NPAS3: variants seen among roughly 807,000 people sequenced by gnomAD.
NPAS3 encodes the protein neuronal PAS domain protein 3, also known as neuronal PAS domain-containing protein 3.
In NPAS3, 14 loss-of-function variants were observed where a neutral mutation model predicts 73.1. That is an observed-to-expected ratio of 0.19 (90% CI 0.13 to 0.30). NPAS3 has a LOEUF of 0.30. Among genes scored for constraint, NPAS3 ranks in the 10% least tolerant of loss-of-function variants. The probability of loss-of-function intolerance (pLI) is 1.00; values close to 1 mark genes in which losing one functional copy is unlikely to be tolerated. For synonymous variants in NPAS3, 620 were observed against 541.5 expected (o/e 1.14, Z -2.01); for missense variants, 1,096 against 1,250.0 (o/e 0.88, Z 1.86).
intron 4 of NPAS3, among the ~76,000 whole-genome samples, chr14:33,548,138 G>A (rs1013738286): frequency 6.6e-6 from 1 of 152,134 alleles, no homozygotes; most frequent in Non-Finnish European, 1.5e-5. Context: ...CTTTGACATC[G>A]AACATTGAGA....
chr14:33,774,460 G>T (rs758592814), exon 8 of NPAS3: 1 of 1,614,186 alleles, frequency 6.2e-7, no homozygotes, highest in South Asian at 1.1e-5. Context: ...GATCAATGAA[G>T]TCAGAATTGA....
intron 2 of NPAS3, among the ~76,000 whole-genome samples, chr14:33,198,149 A>G (rs1010192358): frequency 1.3e-5 from 2 of 152,178 alleles, no homozygotes; most frequent in African/African-American, 2.4e-5. Flanking sequence ...AGACCTTCGC[A>G]GTGTTACAGC....
chr14:33,502,499 C>T (rs903159944), intron 4 of NPAS3, among the ~76,000 whole-genome samples: 2 of 151,932 alleles, frequency 1.3e-5, no homozygotes, highest in African/African-American at 2.4e-5. Context: ...TTAGTTGTAT[C>T]TTTGACTTCG....
chr14:33,038,153 C>T (rs184010124), intron 1 of NPAS3, among the ~76,000 whole-genome samples: 19 of 152,266 alleles, frequency 1.2e-4, no homozygotes, highest in Admixed American at 9.8e-4. Context: ...CATTTTTCCC[C>T]CTAGGGATGA....
chr14:33,268,846 C>T (rs243304), intron 3 of NPAS3, among the ~76,000 whole-genome samples: 16 of 152,212 alleles, frequency 1.1e-4, no homozygotes, highest in African/African-American at 2.6e-4. Flanking sequence ...TTTCTCTGTG[C>T]GTTTACCCTC....
intron 1 of NPAS3, among the ~76,000 whole-genome samples, chr14:32,961,216 A>G (rs2036900535): frequency 1.3e-5 from 2 of 151,984 alleles, no homozygotes; most frequent in African/African-American, 4.8e-5. Flanking sequence ...GGTCGAGACC[A>G]TCCTGGCCAA....
chr14:33,013,595 A>G (rs1836217073), intron 1 of NPAS3, among the ~76,000 whole-genome samples: 1 of 152,276 alleles, frequency 6.6e-6, no homozygotes, highest in South Asian at 2.1e-4. Flanking sequence ...CTTTTTATAC[A>G]TCTATACATT....
chr14:33,330,479 C>T (rs1438176585), intron 3 of NPAS3, among the ~76,000 whole-genome samples: 4 of 151,970 alleles, frequency 2.6e-5, no homozygotes, highest in Non-Finnish European at 5.9e-5. Context: ...ATGCCAGGCA[C>T]ATAATAAACA....
chr14:33,569,603 G>A (rs1358137119), intron 5 of NPAS3, among the ~76,000 whole-genome samples: 1 of 151,656 alleles, frequency 6.6e-6, no homozygotes, highest in African/African-American at 2.4e-5. Flanking sequence ...GTTTAGCACT[G>A]CTTTGCCATG....
At chr14:33,582,661 C>T (rs932210919) in intron 5 of NPAS3, among the ~76,000 whole-genome samples, 1 of 152,106 alleles carries the variant, frequency 6.6e-6, no homozygotes, top group Non-Finnish European at 1.5e-5. Flanking sequence ...TGCCTAGTAC[C>T]TTTCAAATGT....
At chr14:33,180,664 T>G (rs2045758496) in intron 2 of NPAS3, among the ~76,000 whole-genome samples, 1 of 151,212 alleles carries the variant, frequency 6.6e-6, no homozygotes. Flanking sequence ...CTGGGCGTGG[T>G]GGTGGGCGCC....
intron 1 of NPAS3, among the ~76,000 whole-genome samples, chr14:33,008,264 T>C (rs1243105868): frequency 6.6e-6 from 1 of 152,208 alleles, no homozygotes; most frequent in Non-Finnish European, 1.5e-5. Flanking sequence ...ATTATTTTAC[T>C]GACAAGGAAA....
At chr14:33,493,148 GA>G (rs1169900139) in intron 4 of NPAS3, among the ~76,000 whole-genome samples, 1 of 152,102 alleles carries the variant, frequency 6.6e-6, no homozygotes, top group Non-Finnish European at 1.5e-5. Flanking sequence ...ATACTTCCCA[GA>G]AAACTTCTCA....
intron 2 of NPAS3, among the ~76,000 whole-genome samples, chr14:33,099,240 T>C (rs1393769251): frequency 6.6e-6 from 1 of 152,216 alleles, no homozygotes; most frequent in Non-Finnish European, 1.5e-5. Context: ...ATAAAGATTA[T>C]AATCAGTGTT....
intron 5 of NPAS3, among the ~76,000 whole-genome samples, chr14:33,643,449 G>GCTAAAATATTAGGATTAGAAGT (rs1320059846): frequency 1.3e-5 from 2 of 150,288 alleles, no homozygotes; most frequent in Non-Finnish European, 3.0e-5. Flanking sequence ...TAGCAGCACT[G>GCTAAAATATTAGGATTAGAAGT]CTAAAATATT....
intron 1 of NPAS3, among the ~76,000 whole-genome samples, chr14:33,003,944 G>A (rs1426572419): frequency 2.6e-5 from 4 of 152,138 alleles, no homozygotes; most frequent in Admixed American, 6.5e-5. Flanking sequence ...GTGGTTGAGT[G>A]GGTACGGTCT....
chr14:33,087,054 G>A (rs915628145), intron 2 of NPAS3, among the ~76,000 whole-genome samples: 1 of 143,996 alleles, frequency 6.9e-6, no homozygotes, highest in Admixed American at 6.9e-5. Context: ...ATTAAATGTG[G>A]CAGCAGAACA....
chr14:33,799,533 G>T (rs1400359839), intron 11 of NPAS3, among the ~76,000 whole-genome samples: 1 of 152,180 alleles, frequency 6.6e-6, no homozygotes, highest in African/African-American at 2.4e-5. Context: ...TAACCATCCA[G>T]CTAACCCAGG....
intron 3 of NPAS3, among the ~76,000 whole-genome samples, chr14:33,284,764 ATATCTATCTATCTATCTATCTATC>A (rs71118536): frequency 0.015 from 2,198 of 148,786 alleles, 83 homozygotes; most frequent in East Asian, 0.12. Context: ...ATCTATATCT[ATATCTATCTATCTATCTATCTATC>A]TATCTATCTA....
Sources: gnomAD v4.1 joint callset for allele counts (sites outside exome capture counted in the v4.1 genomes callset) on GRCh38, gnomAD v4.1.1 for gene constraint, MANE v1.5 for transcripts, NCBI Gene and HGNC (gene_info 2026-07-23, HGNC 2026-07-21) for gene names.